ZHX3: variants seen among roughly 807,000 people sequenced by gnomAD.
The protein encoded by ZHX3 is zinc fingers and homeoboxes 3, also known as zinc fingers and homeoboxes protein 3.
ZHX3 carries 20 observed loss-of-function variants against 64.5 expected under a neutral mutation model. The ratio of observed to expected loss-of-function variants is 0.31; its 90% confidence interval spans 0.22 to 0.45. The LOEUF (loss-of-function observed/expected upper bound fraction) is 0.45, where lower values mean the gene tolerates loss of function less well. Among genes scored for constraint, ZHX3 ranks in the 20% least tolerant of loss-of-function variants. The pLI, the probability that ZHX3 is intolerant of heterozygous loss-of-function variation, is 1.00. For missense variants in ZHX3, 1,041 were observed against 1,195.8 expected (o/e 0.87, Z 1.91); for synonymous variants, 423 against 461.6 (o/e 0.92, Z 1.07).
chr20:41,298,040 A>G lies in ZHX3; in HGVS notation c.-245+19469T>C, dbSNP rs1349254278. Among the ~76,000 whole-genome samples, 5 of 152,220 alleles carry G rather than the reference A, an allele frequency of 3.3e-5. No homozygotes were observed. The East Asian group carries it at 9.6e-4, about 29-fold the overall frequency. ...CCCGCCATGTGCAGAGGGCTCTTCC[A>G]GATGCCCTGGTGAGTTAAAAAGAGT... On this transcript the variant is annotated intron_variant, in intron 1 of 3. Transcript: ENST00000683867.
chr20:41,217,597 C>T (rs6016528), intron 2 of ZHX3, among the ~76,000 whole-genome samples: 136 of 152,260 alleles, frequency 8.9e-4, no homozygotes, highest in African/African-American at 3.1e-3. Context: ...CAAGCCAATC[C>T]TAAGTAAATC....
chr20:41,272,427 G>A (rs1273879905), intron 1 of ZHX3, among the ~76,000 whole-genome samples: 1 of 152,106 alleles, frequency 6.6e-6, no homozygotes, highest in Non-Finnish European at 1.5e-5. Context: ...CACATTCACA[G>A]TATCATGCAA....
chr20:41,291,291 T>C (rs2044225036), intron 1 of ZHX3, among the ~76,000 whole-genome samples: 1 of 152,036 alleles, frequency 6.6e-6, no homozygotes, highest in South Asian at 2.1e-4. Context: ...ACAACAAATC[T>C]TAAAAATATG....
chr20:41,311,900 C>T (rs1332339523), intron 1 of ZHX3, among the ~76,000 whole-genome samples: 1 of 152,200 alleles, frequency 6.6e-6, no homozygotes, highest in African/African-American at 2.4e-5. Flanking sequence ...TGTTCTGAGG[C>T]CCTACACCTA....
At chr20:41,312,936 A>G (rs981375970) in intron 1 of ZHX3, among the ~76,000 whole-genome samples, 6 of 152,164 alleles carry the variant, frequency 3.9e-5, no homozygotes, top group Non-Finnish European at 7.3e-5. Flanking sequence ...GTGCTAGAAG[A>G]AAGCAACAGT....
At chr20:41,249,101 A>C (rs1274438524) in intron 2 of ZHX3, among the ~76,000 whole-genome samples, 1 of 152,182 alleles carries the variant, frequency 6.6e-6, no homozygotes, top group East Asian at 1.9e-4. Context: ...GATTTTTTTA[A>C]AGGTACATTT....
At chr20:41,217,944 T>C (rs554342595) in intron 2 of ZHX3, among the ~76,000 whole-genome samples, 1 of 152,358 alleles carries the variant, frequency 6.6e-6, no homozygotes, top group East Asian at 1.9e-4. Context: ...ATTTTTTTCT[T>C]ACAGAGGGTT....
At chr20:41,196,398 TA>T (rs1406929612) in intron 3 of ZHX3, among the ~76,000 whole-genome samples, 4 of 40,136 alleles carry the variant, frequency 1.0e-4, no homozygotes, top group East Asian at 2.2e-3. Flanking sequence ...TATATTTATA[TA>T]TATTATATAT....
intron 3 of ZHX3, among the ~76,000 whole-genome samples, chr20:41,197,999 C>CTTTTT (rs11478855): frequency 4.8e-4 from 53 of 110,364 alleles, no homozygotes; most frequent in Middle Eastern, 4.7e-3. Context: ...AACTAGTGCT[C>CTTTTT]TTTTTTTTTT....
chr20:41,212,587 C>T lies in ZHX3; in HGVS notation c.-150-7521G>A, dbSNP rs2039239560. Among the ~76,000 whole-genome samples the T allele has an allele frequency of 6.6e-6, 1 of 152,050 alleles. No homozygotes were observed. The highest frequency in any genetic ancestry group is 2.4e-5 in the African/African-American group (1 of 41,418). On this transcript the variant is annotated intron_variant, in intron 2 of 3. Transcript: ENST00000683867. This position sits in a 1 kb window ranked among gnomAD's most constrained non-coding sequence, Gnocchi z 4.3. ...CCAAGGCGGGCGGATCACCAGAGGT[C>T]AGGAGTTCAAGATCAGCCTGACCAA...
At chr20:41,257,931 G>A (rs1358839494) in intron 2 of ZHX3, among the ~76,000 whole-genome samples, 1 of 136,238 alleles carries the variant, frequency 7.3e-6, no homozygotes, top group Non-Finnish European at 1.5e-5. Context: ...TTGAGACGGA[G>A]TTTTGCTCTT....
chr20:41,240,728 A>G (rs747812691), intron 2 of ZHX3, among the ~76,000 whole-genome samples: 18 of 152,042 alleles, frequency 1.2e-4, no homozygotes, highest in Non-Finnish European at 2.4e-4. Flanking sequence ...AATTCTTTTA[A>G]TTTTTAGCTC....
intron 2 of ZHX3, among the ~76,000 whole-genome samples, chr20:41,241,196 A>G (rs917488612): frequency 6.6e-6 from 1 of 152,180 alleles, no homozygotes; most frequent in African/African-American, 2.4e-5. Flanking sequence ...CCTTTTGGAT[A>G]AAGGTCATTT....
chr20:41,311,118 T>A (rs2045122386), intron 1 of ZHX3, among the ~76,000 whole-genome samples: 1 of 152,234 alleles, frequency 6.6e-6, no homozygotes, highest in Non-Finnish European at 1.5e-5. Flanking sequence ...AATTCTCTGA[T>A]AATTTTTATA....
At chr20:41,194,189 G>A (rs941929008) in intron 3 of ZHX3, among the ~76,000 whole-genome samples, 4 of 151,984 alleles carry the variant, frequency 2.6e-5, no homozygotes, top group Admixed American at 6.6e-5. Flanking sequence ...AAAAGTTTTC[G>A]GTCTTTCCCC....
intron 1 of ZHX3, among the ~76,000 whole-genome samples, chr20:41,291,937 G>T (rs11905050): frequency 6.7e-6 from 1 of 148,178 alleles, no homozygotes; most frequent in African/African-American, 2.5e-5. Flanking sequence ...CAGCTATTTA[G>T]GAGGCTGAGG....
chr20:41,192,965 T>TG (rs1198034119), intron 3 of ZHX3, among the ~76,000 whole-genome samples: 4 of 152,232 alleles, frequency 2.6e-5, no homozygotes, highest in African/African-American at 7.2e-5. Context: ...TTCCCCATGC[T>TG]GGGGGGTCTC....
chr20:41,239,542 A>G (rs2041246237), intron 2 of ZHX3: 1 of 152,136 alleles, frequency 6.6e-6, no homozygotes, highest in Non-Finnish European at 1.5e-5. Context: ...CCATGAACAA[A>G]CCTCTTGGCA....
At chr20:41,316,784 C>T (rs1054893569) in intron 1 of ZHX3, 2 of 152,298 alleles carry the variant, frequency 1.3e-5, no homozygotes, top group Non-Finnish European at 2.9e-5. Flanking sequence ...CCCATCCACT[C>T]CTCAATCACT....
Sources: allele counts gnomAD v4.1 joint callset (sites outside exome capture counted in the v4.1 genomes callset), GRCh38; gene constraint gnomAD v4.1.1; non-coding constraint Gnocchi (gnomAD v3.1); transcripts MANE v1.5; gene names NCBI Gene and HGNC (gene_info 2026-07-23, HGNC 2026-07-21).